FOXP2: variants seen among roughly 807,000 people sequenced by gnomAD.
FOXP2 encodes the protein forkhead box P2.
In FOXP2, 12 loss-of-function variants were observed where a neutral mutation model predicts 115.8. The ratio of observed to expected loss-of-function variants is 0.10; its 90% CI spans 0.07 to 0.17. The LOEUF (loss-of-function observed/expected upper bound fraction) is 0.17, where lower values mean the gene tolerates loss of function less well. Among genes scored for constraint, FOXP2 ranks in the 10% least tolerant of loss-of-function variants. FOXP2 has a pLI of 1.00. For synonymous variants in FOXP2, 328 were observed against 297.7 expected (o/e 1.10, Z -1.05); for missense variants, 629 against 843.5 (o/e 0.75, Z 3.15).
At chr7:114,662,036 C>A (rs756331720) in intron 13 of FOXP2, 29 bp from the exon 14 acceptor site, 9 of 1,611,162 alleles carry the variant, frequency 5.6e-6, no homozygotes, top group Non-Finnish European at 7.6e-6. Flanking sequence ...TTATTTTTGC[C>A]ATTTTTTCTT....
chr7:114,214,010 A>G (rs1794423684), intron 1 of FOXP2, among the ~76,000 whole-genome samples: 1 of 152,218 alleles, frequency 6.6e-6, no homozygotes, highest in South Asian at 2.1e-4. Flanking sequence ...GGATACTACC[A>G]CAAATTTCTG....
At chr7:114,349,054 T>G (rs1370909684) in intron 2 of FOXP2, among the ~76,000 whole-genome samples, 1 of 152,122 alleles carries the variant, frequency 6.6e-6, no homozygotes, top group Non-Finnish European at 1.5e-5. Flanking sequence ...TTATATGTCA[T>G]GTAGAATAAG....
upstream of FOXP2, among the ~76,000 whole-genome samples, chr7:114,160,183 G>A (rs1459370979): frequency 2.0e-5 from 3 of 152,086 alleles, no homozygotes; most frequent in Non-Finnish European, 4.4e-5. Context: ...TTGAGGAAAG[G>A]GGGCTTTGAT....
chr7:114,496,092 AT>A (rs1797308355), intron 2 of FOXP2, among the ~76,000 whole-genome samples: 1 of 152,204 alleles, frequency 6.6e-6, no homozygotes, highest in Non-Finnish European at 1.5e-5. Context: ...TGGTGAATTC[AT>A]TTTGTAAAAT....
intron 5 of FOXP2, chr7:114,630,751 C>T (rs963265822): frequency 1.3e-5 from 2 of 152,944 alleles, no homozygotes; most frequent in Non-Finnish European, 2.9e-5. Flanking sequence ...AAATTGCTCC[C>T]TTATTTCTCC....
rs1164387280 is a variant in FOXP2, at chr7:114,652,300, A to G, written c.1182+10A>G. 2.5e-5 allele frequency: 41 copies of G among 1,611,290 alleles called. No homozygotes were observed. Among genetic ancestry groups the G allele is most frequent in the Non-Finnish European group, 3.3e-5 (39 of 1,178,162 alleles). On this transcript the variant is annotated intron_variant, in intron 9 of 16. Coordinates refer to ENST00000350908, the MANE Select transcript of FOXP2 (RefSeq NM_014491.4). ...ACAGTTAGAAATACAGGTTTGTTAA[A>G]TGCTCACTTAATGGACTCTTCTTAG...
intron 16 of FOXP2, among the ~76,000 whole-genome samples, chr7:114,677,101 G>C (rs751616848): frequency 4.0e-5 from 6 of 151,342 alleles, no homozygotes; most frequent in Non-Finnish European, 8.8e-5. Context: ...TGGAGGCGGA[G>C]GTTGCAGTGA....
chr7:114,346,205 A>G (rs1791343996), intron 2 of FOXP2, among the ~76,000 whole-genome samples: 1 of 151,820 alleles, frequency 6.6e-6, no homozygotes, highest in South Asian at 2.1e-4. Context: ...ATGTATTTTA[A>G]TAGAAAATAA....
intron 1 of FOXP2, among the ~76,000 whole-genome samples, chr7:114,098,277 A>C (rs1227714781): frequency 6.6e-6 from 1 of 152,234 alleles, no homozygotes; most frequent in Non-Finnish European, 1.5e-5. Flanking sequence ...GCTCTGGCTG[A>C]TGACTTTCAA....
chr7:114,690,602 T>G lies in FOXP2; in HGVS notation c.*676T>G, dbSNP rs1234344106. ...CCAGTCTGTGCTGTTAGTGTTAAGATGTAAAGTGCAATCCTAAGCTAACAT... is the reference window on the plus strand; with the variant it reads ...CCAGTCTGTGCTGTTAGTGTTAAGAGGTAAAGTGCAATCCTAAGCTAACAT... On this transcript the variant is annotated 3_prime_UTR_variant, in exon 17 of 17. Coordinates refer to ENST00000350908, the MANE Select transcript of FOXP2 (RefSeq NM_014491.4). 1 of 454,134 alleles carries G rather than the reference T, an allele frequency of 2.2e-6. No individual in the cohort carries two copies. Among genetic ancestry groups the G allele is most frequent in the Non-Finnish European group, 4.4e-6 (1 of 226,786 alleles). 28.1% of individuals were successfully genotyped at this position (454,134 alleles called of 1,614,324 possible).
chr7:114,091,453 C>T (rs1799541733), intron 1 of FOXP2, among the ~76,000 whole-genome samples: 1 of 151,798 alleles, frequency 6.6e-6, no homozygotes. Context: ...GCTGTTTCCT[C>T]AAATGTGATA....
intron 1 of FOXP2, among the ~76,000 whole-genome samples, chr7:114,132,053 C>A (rs990599653): frequency 6.6e-6 from 1 of 151,972 alleles, no homozygotes; most frequent in Non-Finnish European, 1.5e-5. Context: ...AGCAAAAAAA[C>A]GCTTTGTTAA....
intron 1 of FOXP2, among the ~76,000 whole-genome samples, chr7:114,222,569 C>A (rs946985149): frequency 3.9e-5 from 6 of 152,192 alleles, no homozygotes; most frequent in African/African-American, 1.4e-4. Flanking sequence ...ATATAAAAAT[C>A]TCTTCACTTT....
At chr7:114,388,479 T>A (rs1283253370) in intron 2 of FOXP2, among the ~76,000 whole-genome samples, 1 of 152,010 alleles carries the variant, frequency 6.6e-6, no homozygotes, top group Non-Finnish European at 1.5e-5. Flanking sequence ...GTGAAGCTCC[T>A]GGGAGGTTAA....
chr7:114,381,234 C>A (rs1383540278), intron 2 of FOXP2, among the ~76,000 whole-genome samples: 1 of 152,126 alleles, frequency 6.6e-6, no homozygotes, highest in Non-Finnish European at 1.5e-5. Context: ...GGCCCTGGTG[C>A]CTTTGAATAA....
At chr7:114,410,689 A>G (rs1414272900), upstream of FOXP2, among the ~76,000 whole-genome samples, 1 of 152,132 alleles carries the variant, frequency 6.6e-6, no homozygotes, top group African/African-American at 2.4e-5. Context: ...CTTTCAATAA[A>G]CAGTATGTGT....
At position 114,693,550 on chromosome 7, in the gene FOXP2, T is replaced by G. The variant is rs540406830; in HGVS notation, c.*3624T>G. 4.3e-3 allele frequency: 1,950 copies of G among 453,408 alleles called. 14 individuals are homozygous for G. The highest frequency in any genetic ancestry group is 5.1e-3 in the Non-Finnish European group (1,146 of 226,442). 28.1% of individuals were successfully genotyped at this position (453,408 alleles called of 1,614,324 possible). Reference sequence around the variant, plus strand: ...TTGAAAGGAACATGGCTTACCCTTGTTATTTCACTAGTTCAGGTTGCAACG... The same window carrying G: ...TTGAAAGGAACATGGCTTACCCTTGGTATTTCACTAGTTCAGGTTGCAACG... On this transcript the variant is annotated 3_prime_UTR_variant, in exon 17 of 17. Coordinates refer to ENST00000350908, the MANE Select transcript of FOXP2 (RefSeq NM_014491.4).
intron 2 of FOXP2, chr7:114,498,804 T>C: frequency 1.4e-6 from 1 of 716,002 alleles, no homozygotes; most frequent in Non-Finnish European, 2.6e-6. Flanking sequence ...TTTGGGGGTA[T>C]ATGTCAGGAT....
upstream of FOXP2, chr7:114,414,577 G>A (rs1793253888): frequency 6.4e-6 from 1 of 156,910 alleles, no homozygotes; most frequent in Non-Finnish European, 1.4e-5. Flanking sequence ...TTCAAAGGCT[G>A]AAGCTTGATT....
Sources: allele counts gnomAD v4.1 joint callset (sites outside exome capture counted in the v4.1 genomes callset), GRCh38; gene constraint gnomAD v4.1.1; transcripts MANE v1.5; gene names NCBI Gene and HGNC (gene_info 2026-07-23, HGNC 2026-07-21).